SSBP2: variants seen among roughly 807,000 people sequenced by gnomAD.
SSBP2 encodes the protein single-stranded DNA-binding protein 2.
Under a neutral mutation model 61.8 loss-of-function variants are expected in SSBP2, and 17 were observed. The ratio of observed to expected loss-of-function variants is 0.28; its 90% CI spans 0.19 to 0.41. The LOEUF (loss-of-function observed/expected upper bound fraction) is 0.41, where lower values mean the gene tolerates loss of function less well. SSBP2 is among the 10% of genes least tolerant of loss of function. SSBP2 has a pLI of 1.00. For missense variants in SSBP2, 310 were observed against 458.7 expected, an observed-to-expected ratio of 0.68 and a Z score of 2.96; for synonymous variants, 139 against 141.3, an observed-to-expected ratio of 0.98 and a Z score of 0.12.
intron 2 of SSBP2, among the ~76,000 whole-genome samples, chr5:81,642,085 T>A (rs943011118): frequency 6.6e-6 from 1 of 152,188 alleles, no homozygotes; most frequent in Non-Finnish European, 1.5e-5. Context: ...TTAGCAAATA[T>A]GAATTAATGA....
chr5:81,464,946 A>G (rs1004181786), intron 9 of SSBP2, among the ~76,000 whole-genome samples: 1 of 152,052 alleles, frequency 6.6e-6, no homozygotes, highest in Non-Finnish European at 1.5e-5. Context: ...AATGGAGATA[A>G]TATGTTTCAC....
At chr5:81,636,657 C>CT (rs766113669) in intron 2 of SSBP2, 39 bp from the exon 3 acceptor site, 19 of 1,429,282 alleles carry the variant, frequency 1.3e-5, no homozygotes, top group Non-Finnish European at 1.7e-5. Flanking sequence ...CCTAATAATA[C>CT]TTTTTTCCAC....
chr5:81,559,940 ACTT>A (rs1364024842), intron 4 of SSBP2, among the ~76,000 whole-genome samples: 1 of 152,200 alleles, frequency 6.6e-6, no homozygotes, highest in Non-Finnish European at 1.5e-5. Context: ...CTTTTAATTT[ACTT>A]ATTAAGCAAA....
At chr5:81,460,876 T>C (rs1296563370) in intron 10 of SSBP2, among the ~76,000 whole-genome samples, 179 bp downstream of exon 10, 2 of 152,088 alleles carry the variant, frequency 1.3e-5, no homozygotes, top group Admixed American at 1.3e-4. Flanking sequence ...GAAAGAAAAT[T>C]ACATAATTTC....
intron 4 of SSBP2, among the ~76,000 whole-genome samples, chr5:81,603,327 C>G (rs926563500): frequency 6.6e-6 from 1 of 152,164 alleles, no homozygotes; most frequent in Non-Finnish European, 1.5e-5. Flanking sequence ...ACTGGACTTA[C>G]CACAGAATGG....
At position 81,488,728 on chromosome 5, in the gene SSBP2, A is replaced by C. The variant is rs868134080; in HGVS notation, c.432+522T>G. Among the ~76,000 whole-genome samples, 630 of 101,524 alleles carry C rather than the reference A, an allele frequency of 6.2e-3. 2 individuals are homozygous for C. Among genetic ancestry groups the C allele is most frequent in the Admixed American group, 0.017 (121 of 6,998 alleles). The allele number at this position is 101,524 out of a possible 152,430, so 66.6% of individuals were successfully genotyped here. Reference sequence around the variant, plus strand: ...CTCCCCCCACCCCACAACAGTCCCCAGTGTGTGATGTTCCCCTTCCTGTGT... The same window carrying C: ...CTCCCCCCACCCCACAACAGTCCCCCGTGTGTGATGTTCCCCTTCCTGTGT... On this transcript the variant is annotated intron_variant, in intron 6 of 16. Coordinates refer to ENST00000320672, the MANE Select transcript of SSBP2 (RefSeq NM_012446.5).
intron 5 of SSBP2, among the ~76,000 whole-genome samples, chr5:81,499,400 C>T (rs905646105): frequency 6.6e-6 from 1 of 152,134 alleles, no homozygotes; most frequent in Non-Finnish European, 1.5e-5. Context: ...GAGACTTTTC[C>T]TCAAGTCTTC....
At chr5:81,697,148 G>A (rs958993413) in intron 1 of SSBP2, among the ~76,000 whole-genome samples, 10 of 152,266 alleles carry the variant, frequency 6.6e-5, no homozygotes, top group African/African-American at 2.2e-4. Context: ...ACCCAAGACA[G>A]GCTGTCAAAA....
chr5:81,535,761 A>C (rs1770754885), intron 4 of SSBP2, among the ~76,000 whole-genome samples: 2 of 152,132 alleles, frequency 1.3e-5, no homozygotes, highest in Admixed American at 1.3e-4. Flanking sequence ...GAAAAATTAC[A>C]TCAAAATGGA....
chr5:81,482,085 A>T (rs1766033549), intron 6 of SSBP2, among the ~76,000 whole-genome samples: 1 of 151,918 alleles, frequency 6.6e-6, no homozygotes, highest in Non-Finnish European at 1.5e-5. Flanking sequence ...GGGACTACAG[A>T]TGTGTGCCAC....
intron 4 of SSBP2, among the ~76,000 whole-genome samples, chr5:81,568,075 T>C (rs1049961517): frequency 1.3e-5 from 2 of 152,140 alleles, no homozygotes; most frequent in Admixed American, 6.6e-5. Context: ...AGTTAAGACT[T>C]TGGGGGACTG....
intron 4 of SSBP2, among the ~76,000 whole-genome samples, chr5:81,583,442 A>G (rs1365630125): frequency 2.0e-5 from 3 of 152,024 alleles, no homozygotes; most frequent in Non-Finnish European, 4.4e-5. Context: ...ATCCTGGCTA[A>G]CACGGTGAAA....
chr5:81,442,567 G>A (rs1272339033), intron 13 of SSBP2, 86 bp downstream of exon 13: 9 of 731,652 alleles, frequency 1.2e-5, no homozygotes, highest in Non-Finnish European at 2.1e-5. Flanking sequence ...AAAATATAAA[G>A]TTTAAACAAT....
chr5:81,590,883 T>C (rs1386953212), intron 4 of SSBP2, among the ~76,000 whole-genome samples: 2 of 152,010 alleles, frequency 1.3e-5, no homozygotes, highest in Admixed American at 6.6e-5. Context: ...AGGAAAACAT[T>C]CTAAACCAGG....
At position 81,596,648 on chromosome 5, in the gene SSBP2, C is replaced by T. The variant is rs1312056068; in HGVS notation, c.282+18825G>A. Among the ~76,000 whole-genome samples the T allele has an allele frequency of 4.5e-3, 206 of 45,524 alleles. 6 individuals are homozygous for T. Among genetic ancestry groups the T allele is most frequent in the African/African-American group, 0.023 (162 of 7,194 alleles). 29.9% of individuals were successfully genotyped at this position (45,524 alleles called of 152,430 possible). ...ACTGGTACCAAAACAGAGATATAGA[C>T]CAATGGAACAGAACGGAGCTCTCAG... On this transcript the variant is annotated intron_variant, in intron 4 of 16. Transcript: ENST00000320672.
chr5:81,560,117 G>A (rs73766271), intron 4 of SSBP2, among the ~76,000 whole-genome samples: 3,029 of 152,092 alleles, frequency 0.02, 119 homozygotes, highest in African/African-American at 0.069. Context: ...TATCAATTGC[G>A]CTGTTTACTA....
chr5:81,540,545 C>T (rs946348200), intron 4 of SSBP2, among the ~76,000 whole-genome samples: 7 of 152,118 alleles, frequency 4.6e-5, no homozygotes, highest in East Asian at 1.9e-4. Flanking sequence ...TGTCTTCTTT[C>T]GAGAAATGTC....
intron 4 of SSBP2, among the ~76,000 whole-genome samples, chr5:81,526,783 A>G (rs1769977544): frequency 6.6e-6 from 1 of 152,004 alleles, no homozygotes; most frequent in Non-Finnish European, 1.5e-5. Context: ...GGAGCTTATA[A>G]TCTTGGAGGT....
rs6452420 is a variant in SSBP2, at chr5:81,575,667, T to C, written c.282+39806A>G. On this transcript the variant is annotated intron_variant, in intron 4 of 16. Transcript: ENST00000320672. ...GTAAAACCATAGATTTAAACCCAAA[T>C]ATATCAGTAATTACATTAAGTAAAA... 8.5e-3 allele frequency among the ~76,000 whole-genome samples: 1,286 copies of C among 152,130 alleles called. 28 individuals are homozygous for C. Among genetic ancestry groups the C allele is most frequent in the African/African-American group, 0.03 (1,228 of 41,496 alleles).
Sources: allele counts gnomAD v4.1 joint callset (sites outside exome capture counted in the v4.1 genomes callset), GRCh38; gene constraint gnomAD v4.1.1; transcripts MANE v1.5; gene names NCBI Gene and HGNC (gene_info 2026-07-23, HGNC 2026-07-21).